The following PPFIA3 variants were observed in gnomAD, a reference collection of about 807,000 sequenced individuals.
PPFIA3 encodes PPFI scaffold protein A3, also known as liprin-alpha-3.
In PPFIA3, 26 loss-of-function variants were observed where a neutral mutation model predicts 145.8. The observed-to-expected ratio is 0.18, with a 90% CI of 0.13 to 0.25. The LOEUF (loss-of-function observed/expected upper bound fraction) is 0.25, where lower values mean the gene tolerates loss of function less well. Ranked by LOEUF, PPFIA3 falls within the 10% of genes least tolerant of loss-of-function variation. The pLI is 1.00. For missense variants in PPFIA3, 1,008 were observed against 1,587.8 expected, an observed-to-expected ratio of 0.63 and a Z score of 6.21; for synonymous variants, 645 against 661.4, an observed-to-expected ratio of 0.98 and a Z score of 0.38.
At chr19:49,134,530 A>AT in intron 11 of PPFIA3, 109 bp from the exon 12 acceptor site, 1 of 1,024,916 alleles carries the variant, frequency 9.8e-7, no homozygotes, top group South Asian at 1.3e-5. Flanking sequence ...TGTCCATCTC[A>AT]TTCCTCCTGG....
At chr19:49,145,529 T>A (rs899007442) in intron 21 of PPFIA3, among the ~76,000 whole-genome samples, 2 of 152,214 alleles carry the variant, frequency 1.3e-5, no homozygotes, top group Admixed American at 6.5e-5. Context: ...GTTTTTATCC[T>A]TGTATGGATT....
chr19:49,137,038 C>A, intron 15 of PPFIA3, 127 bp downstream of exon 15: 1 of 872,392 alleles, frequency 1.1e-6, no homozygotes, highest in Non-Finnish European at 1.7e-6. Context: ...TTCTTCCAGC[C>A]CAACACTCAC....
At position 49,129,003 on chromosome 19, in the gene PPFIA3, G is replaced by T. The variant is rs752220603; in HGVS notation, c.498G>T (p.Leu166=). The change falls in exon 4 of 30, where the codon CTG becomes CTT. Residue 166 remains leucine, a synonymous_variant. Transcript: ENST00000334186. ...LKSLFEHHKA[L]DEKVRERLRM... Reference sequence around the variant, plus strand: ...CTCTCTTCGAGCACCACAAGGCCCTGGATGAGAAGGTATGAGAATTAGAAG... The same window carrying T: ...CTCTCTTCGAGCACCACAAGGCCCTTGATGAGAAGGTATGAGAATTAGAAG... The T allele has an allele frequency of 6.3e-6, 10 of 1,594,626 alleles. No individual in the cohort carries two copies. In the South Asian group the frequency reaches 1.1e-4, roughly 18 times the overall value.
intron 7 of PPFIA3, 142 bp from the exon 8 acceptor site, chr19:49,132,859 C>A: frequency 9.5e-7 from 1 of 1,050,934 alleles, no homozygotes; most frequent in Non-Finnish European, 1.4e-6. Context: ...TTAAGATGGG[C>A]TAGTCCTGGG....
At chr19:49,148,623 G>A (rs991658311) in intron 24 of PPFIA3, 43 bp from the exon 25 acceptor site, 3 of 1,478,364 alleles carry the variant, frequency 2.0e-6, no homozygotes, top group South Asian at 2.3e-5. Context: ...CAGTCTAGGG[G>A]ACTGGAAAGC....
At position 49,138,411 on chromosome 19, in the gene PPFIA3, A is replaced by C. The variant is rs778390234; in HGVS notation, c.2060A>C (p.Glu687Ala). The C allele has an allele frequency of 1.3e-6, 2 of 1,552,134 alleles. No individual in the cohort carries two copies. The highest frequency in any genetic ancestry group is 2.4e-5 in the South Asian group (2 of 83,014). ...CTGGCACCCCCTAGCCCTGCCCGTG[A>C]GGGCACCGACAAGGCTGTGAGTGCT... is the stretch of plus-strand genomic sequence containing the variant. ...PRLAPPSPAR[E>A]GTDKANHVPK... The change falls in exon 16 of 30, where the codon GAG becomes GCG. Residue 687 changes from glutamate (E) to alanine (A), a missense_variant. Glu to Ala is a moderately radical substitution (Grantham distance 107). This residue lies in a region of PPFIA3 where 202 missense variants were observed against 241.8 expected (regional missense o/e 0.84). Coordinates refer to ENST00000334186, the MANE Select transcript of PPFIA3 (RefSeq NM_003660.4).
In PPFIA3 at chr19:49,150,281, C is replaced by T; in HGVS notation, c.*59C>T. ...GAATCTTCCCGAGGCTGGGCTGTTC[C>T]CTCTCCTGCCCGGACTGTGGCCTCG... is the stretch of plus-strand genomic sequence containing the variant. On this transcript the variant is annotated 3_prime_UTR_variant, in exon 30 of 30. Coordinates refer to ENST00000334186, the MANE Select transcript of PPFIA3 (RefSeq NM_003660.4). The T allele has an allele frequency of 2.3e-6, 2 of 883,966 alleles. No individual in the cohort carries two copies. Among genetic ancestry groups the T allele is most frequent in the East Asian group, 2.7e-5 (1 of 36,600 alleles). The allele number at this position is 883,966 out of a possible 1,614,324, so 54.8% of individuals were successfully genotyped here.
In PPFIA3 at chr19:49,148,731, G is replaced by A; in HGVS notation, c.3077G>A (p.Arg1026Gln). 1.2e-6 allele frequency: 2 copies of A among 1,614,078 alleles called. No homozygotes were observed. Among genetic ancestry groups the A allele is most frequent in the Non-Finnish European group, 1.7e-6 (2 of 1,179,976 alleles). The change falls in exon 25 of 30, where the codon CGG becomes CAG. Residue 1026 changes from arginine (R) to glutamine (Q), a missense_variant. Physicochemically the swap from Arg to Gln is conservative, Grantham distance 43. This residue lies in a region of PPFIA3 where 154 missense variants were observed against 369.2 expected (regional missense o/e 0.42). Transcript: ENST00000334186. ...RLNYDRKDLE[R>Q]RREESQTQIR... ...AACTATGACCGGAAGGACCTGGAGC[G>A]GAGGCGGGAAGAAAGTCAGACCCAG...
At chr19:49,129,566 T>A in intron 5 of PPFIA3, 112 bp downstream of exon 5, 1 of 1,161,346 alleles carries the variant, frequency 8.6e-7, no homozygotes, top group Non-Finnish European at 1.2e-6. Flanking sequence ...GGGGCAGGAC[T>A]AGGGCAGACA....
chr19:49,149,597 G>T lies in PPFIA3; in HGVS notation c.3405G>T (p.Arg1135=), dbSNP rs1432020742. ...CCCCATCCTGGCGGAAGATGTTCCGGGAGAAGGACCTCCGAGGCGTAACTC... is the reference window on the plus strand; with the variant it reads ...CCCCATCCTGGCGGAAGATGTTCCGTGAGAAGGACCTCCGAGGCGTAACTC... ...SRSPSWRKMF[R]EKDLRGVTPD... Residue 1135 remains arginine (R), a synonymous_variant, in exon 28 of 30, where the codon CGG becomes CGT. Transcript: ENST00000334186. The surrounding 1 kb of genome is among the most constrained non-coding windows in gnomAD (Gnocchi z 5.7). 1 of 1,614,212 alleles carries T rather than the reference G, an allele frequency of 6.2e-7. No homozygotes were observed. Among genetic ancestry groups the T allele is most frequent in the Admixed American group, 1.7e-5 (1 of 60,020 alleles).
rs2041332581 is a variant in PPFIA3 at position 49,150,308 on chromosome 19, C to G, written c.*86C>G. 7.0e-6 allele frequency: 5 copies of G among 718,904 alleles called. No individual in the cohort carries two copies. Among genetic ancestry groups the G allele is most frequent in the Non-Finnish European group, 1.1e-5 (5 of 450,718 alleles). 44.5% of individuals were successfully genotyped at this position (718,904 alleles called of 1,614,324 possible). A position where few individuals can be genotyped will look rare whatever the true frequency, so the allele number is the denominator to read the frequency against. Reference sequence around the variant, plus strand: ...TCTCCTGCCCGGACTGTGGCCTCGCCGGGGAGAGCGGGCGGGGGAGCTCGC... The same window carrying G: ...TCTCCTGCCCGGACTGTGGCCTCGCGGGGGAGAGCGGGCGGGGGAGCTCGC... On this transcript the variant is annotated 3_prime_UTR_variant, in exon 30 of 30. Coordinates refer to ENST00000334186, the MANE Select transcript of PPFIA3 (RefSeq NM_003660.4).
intron 22 of PPFIA3, 47 bp downstream of exon 22, chr19:49,146,052 TG>T (rs748429516): frequency 1.0e-5 from 16 of 1,586,290 alleles, no homozygotes; most frequent in Non-Finnish European, 1.4e-5. Flanking sequence ...TAACCTTCTT[TG>T]GGGGTGGGGG....
At chr19:49,148,033 G>A (rs1193582282) in intron 23 of PPFIA3, 50 bp from the exon 24 acceptor site, 1 of 1,563,558 alleles carries the variant, frequency 6.4e-7, no homozygotes, top group South Asian at 1.2e-5. Context: ...CATGCACAGT[G>A]GGAAGGGGCC....
At position 49,128,170 on chromosome 19, in the gene PPFIA3, G is replaced by C. The variant is rs2041026784; in HGVS notation, c.240+57G>C. 1 of 1,469,070 alleles carries C rather than the reference G, an allele frequency of 6.8e-7. No homozygotes were observed. Among genetic ancestry groups the C allele is most frequent in the African/African-American group, 1.4e-5 (1 of 71,338 alleles). The allele number at this position is 1,469,070 out of a possible 1,614,324, so 91.0% of individuals were successfully genotyped here. On this transcript the variant is annotated intron_variant, in intron 2 of 29. Transcript: ENST00000334186. This position sits in a 1 kb window ranked among gnomAD's most constrained non-coding sequence, Gnocchi z 4.1. The stretch of plus-strand genomic sequence containing the variant: ...GGCGGGGCCTCGGGGGGAAGAAGGC[G>C]GTCCGGAAGGGGCCGGGCTTGGCGC...
chr19:49,130,096 G>C lies in PPFIA3; in HGVS notation c.657+29G>C, dbSNP rs1392375772. 6.3e-7 allele frequency: 1 copy of C among 1,595,476 alleles called. No homozygotes were observed. The highest frequency in any genetic ancestry group is 1.4e-5 in the African/African-American group (1 of 74,060). ...AGACATGGAAGTCCCCTCTCCGTGA[G>C]CTCCATTCAACTCCCTGACTTTGTG... On this transcript the variant is annotated intron_variant, in intron 6 of 29. Transcript: ENST00000334186. This position sits in a 1 kb window ranked among gnomAD's most constrained non-coding sequence, Gnocchi z 4.5.
At position 49,130,023 on chromosome 19, in the gene PPFIA3, C is replaced by T. The variant is rs778421043; in HGVS notation, c.613C>T (p.Arg205Trp). Reference sequence around the variant, plus strand: ...GAACCTTCGAGAACAGCTGTCTAGGCGGCGGTCAGGGCTGGAAGAGCCGGG... The same window carrying T: ...GAACCTTCGAGAACAGCTGTCTAGGTGGCGGTCAGGGCTGGAAGAGCCGGG... Reference protein sequence around the residue: ...TLNLREQLSRRRSGLEEPGKD... With the variant: ...TLNLREQLSRWRSGLEEPGKD... The change falls in exon 6 of 30, where the codon CGG (arginine) becomes TGG (tryptophan). Residue 205 changes from arginine to tryptophan, a missense_variant. Transcript: ENST00000334186. This position sits in a 1 kb window ranked among gnomAD's most constrained non-coding sequence, Gnocchi z 4.5. 6.2e-7 allele frequency: 1 copy of T among 1,613,558 alleles called. No homozygotes were observed. The highest frequency in any genetic ancestry group is 1.7e-5 in the Admixed American group (1 of 59,852).
In PPFIA3 at chr19:49,139,653, G is replaced by T. The variant is rs757770317; in HGVS notation, c.2077-15G>T. ...TCTTTGAACTCAATCCAGCATCTGTGCCCTCTGTCCTCAGAATCATGTCCC... is the reference window on the plus strand; with the variant it reads ...TCTTTGAACTCAATCCAGCATCTGTTCCCTCTGTCCTCAGAATCATGTCCC... On this transcript the variant is annotated splice_polypyrimidine_tract_variant and intron_variant, in intron 16 of 29. Coordinates refer to ENST00000334186, the MANE Select transcript of PPFIA3 (RefSeq NM_003660.4). 6.4e-7 allele frequency: 1 copy of T among 1,560,514 alleles called. No homozygotes were observed. The highest frequency in any genetic ancestry group is 8.7e-7 in the Non-Finnish European group (1 of 1,154,924).
Position 49,138,285 on chromosome 19 carries a change from CGTT to C in PPFIA3, c.1936_1938del (p.Leu646del), listed in dbSNP as rs767966475. ...CGGGTGTCCAGCTCTGGCTTGGACT[CGTT>C]GGGCCGCTACCGCAGCAGCTGCTCC... On this transcript the variant is annotated inframe_deletion, in exon 16 of 30. Transcript: ENST00000334186. 2 of 1,613,564 alleles carry C rather than the reference CGTT, an allele frequency of 1.2e-6. No individual in the cohort carries two copies. Among genetic ancestry groups the C allele is most frequent in the East Asian group, 4.5e-5 (2 of 44,852 alleles).
Position 49,133,234 on chromosome 19 carries a change from C to A in PPFIA3, c.1027-3C>A. 6.2e-7 allele frequency: 1 copy of A among 1,602,174 alleles called. No individual in the cohort carries two copies. The highest frequency in any genetic ancestry group is 8.5e-7 in the Non-Finnish European group (1 of 1,173,422). ...CCCCTCCCCCTGCCTCTCCCTCCCC[C>A]AGAGTGAAGAGAAGAGCCGTCAGCT... is the stretch of plus-strand genomic sequence containing the variant. On this transcript the variant is annotated splice_region_variant and splice_polypyrimidine_tract_variant and intron_variant, in intron 8 of 29. Transcript: ENST00000334186. The surrounding 1 kb of genome is among the most constrained non-coding windows in gnomAD (Gnocchi z 7.2).
Sources: gnomAD v4.1 joint callset for allele counts (sites outside exome capture counted in the v4.1 genomes callset) on GRCh38, gnomAD v4.1.1 for gene constraint, gnomAD v4.1.1 regional missense constraint, Gnocchi (gnomAD v3.1) non-coding constraint, MANE v1.5 for transcripts, NCBI Gene and HGNC (gene_info 2026-07-23, HGNC 2026-07-21) for gene names.